The following SLC37A1 variants were observed in gnomAD, a reference collection of about 807,000 sequenced individuals.
The protein encoded by SLC37A1 is glucose-6-phosphate exchanger SLC37A1.
A neutral mutation model predicts 75.3 loss-of-function variants in SLC37A1; 49 were observed. The ratio of observed to expected loss-of-function variants is 0.65; its 90% CI spans 0.52 to 0.83. The LOEUF is 0.83. SLC37A1 is among the 40% of genes least tolerant of loss of function. SLC37A1 has a pLI of 0.00. For missense variants in SLC37A1, 566 were observed against 695.0 expected, an observed-to-expected ratio of 0.81 and a Z score of 2.09; for synonymous variants, 268 against 292.1, an observed-to-expected ratio of 0.92 and a Z score of 0.84.
At chr21:42,558,741 G>A (rs2055751478) in intron 10 of SLC37A1, among the ~76,000 whole-genome samples, 1 of 152,104 alleles carries the variant, frequency 6.6e-6, no homozygotes. Flanking sequence ...TAGAATTTCT[G>A]GATCAGAGGA....
At position 42,580,627 on chromosome 21, in the gene SLC37A1, A is replaced by C. The variant is rs1250972663; in HGVS notation, c.*267A>C. The C allele has an allele frequency of 1.0e-5, 3 of 300,682 alleles. No individual in the cohort carries two copies. Among genetic ancestry groups the C allele is most frequent in the Admixed American group, 4.9e-5 (1 of 20,512 alleles). The allele number at this position is 300,682 out of a possible 1,614,324, so 18.6% of individuals were successfully genotyped here. ...AAGACCCGGCCGGCCCTGGCCTCAC[A>C]GGCGTGTGCCCATGCAGCCACCCAA... is the stretch of plus-strand genomic sequence containing the variant. On this transcript the variant is annotated 3_prime_UTR_variant, in exon 20 of 20. Coordinates refer to ENST00000352133, the MANE Select transcript of SLC37A1 (RefSeq NM_001320537.2).
rs4919992 is a variant in SLC37A1 at position 42,566,065 on chromosome 21, C to T, written c.1270+190C>T. On this transcript the variant is annotated intron_variant, in intron 15 of 19. Transcript: ENST00000352133. ...AGGCCGGGGTCTCCTCTCCCCAGTG[C>T]GAGGCTTGCCATTCTGTGGGTTTCA... 0.5 allele frequency among the ~76,000 whole-genome samples: 76,120 copies of T among 152,150 alleles called. 20,752 individuals carry two copies. Among genetic ancestry groups the T allele is most frequent in the Admixed American group, 0.65 (9,861 of 15,288 alleles).
chr21:42,531,195 G>C (rs919275770), intron 3 of SLC37A1, among the ~76,000 whole-genome samples: 2 of 152,068 alleles, frequency 1.3e-5, no homozygotes, highest in Non-Finnish European at 2.9e-5. Flanking sequence ...CCGCACACTC[G>C]TCGCGCTGTG....
At chr21:42,543,873 G>A (rs921925595) in intron 8 of SLC37A1, among the ~76,000 whole-genome samples, 13 of 152,212 alleles carry the variant, frequency 8.5e-5, no homozygotes, top group African/African-American at 4.8e-5. Context: ...GGCATCAGGA[G>A]TTCATGCATG....
intron 7 of SLC37A1, 51 bp downstream of exon 7, chr21:42,542,531 T>C: frequency 6.3e-7 from 1 of 1,578,290 alleles, no homozygotes; most frequent in East Asian, 2.2e-5. Context: ...TAGACCATTT[T>C]ACTTTTAGTT....
At position 42,577,657 on chromosome 21, in the gene SLC37A1, C is replaced by T. The variant is rs73375860; in HGVS notation, c.1522-2079C>T. On this transcript the variant is annotated intron_variant, in intron 18 of 19. Transcript: ENST00000352133. ...GGGTCAGGGGAAGCATAGAAAAAAA[C>T]AGGGTAAATACAGAAATACAGAGCA... Among the ~76,000 whole-genome samples, 1,461 of 152,172 alleles carry T rather than the reference C, an allele frequency of 9.6e-3. 21 individuals carry two copies. The highest frequency in any genetic ancestry group is 0.033 in the African/African-American group (1,379 of 41,524).
upstream of SLC37A1, among the ~76,000 whole-genome samples, chr21:42,511,082 T>C (rs1426024555): frequency 6.6e-6 from 1 of 152,232 alleles, no homozygotes; most frequent in Non-Finnish European, 1.5e-5. Context: ...ATAGATCATA[T>C]GTTAGGCCAC....
intron 14 of SLC37A1, among the ~76,000 whole-genome samples, chr21:42,565,243 C>G (rs1363902765): frequency 1.3e-5 from 2 of 152,260 alleles, no homozygotes; most frequent in Non-Finnish European, 2.9e-5. Context: ...GTCAGTATCA[C>G]CACCTTGCAG....
chr21:42,529,720 A>C (rs998348846), intron 3 of SLC37A1, among the ~76,000 whole-genome samples: 2 of 152,226 alleles, frequency 1.3e-5, no homozygotes, highest in East Asian at 1.9e-4. Flanking sequence ...CACGGAATTC[A>C]GATCGCCAGG....
intron 9 of SLC37A1, among the ~76,000 whole-genome samples, chr21:42,553,086 T>C (rs899688805): frequency 6.6e-6 from 1 of 152,230 alleles, no homozygotes; most frequent in African/African-American, 2.4e-5. Context: ...GATCCAACTG[T>C]CCATCTGAAC....
chr21:42,525,968 G>A (rs1360658963), intron 3 of SLC37A1, 111 bp downstream of exon 3: 14 of 690,998 alleles, frequency 2.0e-5, no homozygotes, highest in Non-Finnish European at 2.2e-5. Context: ...AACAGATTAT[G>A]TAGAAACAAG....
At chr21:42,518,564 A>G in intron 2 of SLC37A1, 54 bp downstream of exon 2, 2 of 1,583,376 alleles carry the variant, frequency 1.3e-6, no homozygotes, top group Admixed American at 3.3e-5. Context: ...GGTGAGGGCT[A>G]CTGTGCAGGT....
At chr21:42,540,348 A>G (rs1239074686) in intron 6 of SLC37A1, among the ~76,000 whole-genome samples, 1 of 152,174 alleles carries the variant, frequency 6.6e-6, no homozygotes, top group Non-Finnish European at 1.5e-5. Context: ...ATCAGTGCCT[A>G]GGAGTGTTCA....
chr21:42,579,761 A>T lies in SLC37A1; in HGVS notation c.1547A>T (p.Glu516Val). The T allele has an allele frequency of 2.5e-6, 4 of 1,614,136 alleles. No individual in the cohort carries two copies. Among genetic ancestry groups the T allele is most frequent in the Non-Finnish European group, 3.4e-6 (4 of 1,180,018 alleles). ...LLFLIRLIHK[E>V]LSCPGSATGD... ...TTCCTGATCCGCCTCATACACAAGG[A>T]GCTGAGCTGCCCAGGGTCAGCTACG... The change falls in exon 19 of 20, where the codon GAG becomes GTG. Residue 516 changes from glutamate to valine, a missense_variant. Coordinates refer to ENST00000352133, the MANE Select transcript of SLC37A1 (RefSeq NM_001320537.2).
chr21:42,532,977 A>G (rs946584826), intron 3 of SLC37A1, among the ~76,000 whole-genome samples: 3 of 152,224 alleles, frequency 2.0e-5, no homozygotes, highest in East Asian at 1.9e-4. Flanking sequence ...CACGTGTGAC[A>G]TGCCGGGACT....
upstream of SLC37A1, among the ~76,000 whole-genome samples, chr21:42,511,183 G>A (rs183614761): frequency 4.6e-5 from 7 of 152,250 alleles, no homozygotes; most frequent in East Asian, 1.3e-3. Context: ...AGTAACAGGA[G>A]GAAAATTGGA....
chr21:42,536,766 C>A (rs768152288), intron 5 of SLC37A1, among the ~76,000 whole-genome samples: 1 of 152,242 alleles, frequency 6.6e-6, no homozygotes, highest in Non-Finnish European at 1.5e-5. Flanking sequence ...TCACCTCTCA[C>A]AATAGCTCAT....
At chr21:42,534,187 G>A (rs1013357942) in intron 3 of SLC37A1, among the ~76,000 whole-genome samples, 6 of 152,134 alleles carry the variant, frequency 3.9e-5, no homozygotes, top group Non-Finnish European at 7.3e-5. Context: ...CTTCCTATGA[G>A]TGGAATGCTG....
chr21:42,558,062 C>T (rs554147581), intron 10 of SLC37A1, among the ~76,000 whole-genome samples: 1 of 152,310 alleles, frequency 6.6e-6, no homozygotes, highest in South Asian at 2.1e-4. Flanking sequence ...CTGCCTCAGC[C>T]TCCAGAGCAG....
Sources: gnomAD v4.1 joint callset for allele counts (sites outside exome capture counted in the v4.1 genomes callset) on GRCh38, gnomAD v4.1.1 for gene constraint, MANE v1.5 for transcripts, NCBI Gene and HGNC (gene_info 2026-07-23, HGNC 2026-07-21) for gene names.